Variants in GOLGA7 observed in about 807,000 individuals in gnomAD.
GOLGA7 encodes the protein golgin A7.
Under a neutral mutation model 21.1 loss-of-function variants are expected in GOLGA7, and 10 were observed. The ratio of observed to expected loss-of-function variants is 0.47; its 90% CI spans 0.29 to 0.80. GOLGA7 has a LOEUF of 0.80. GOLGA7 is among the 30% of genes least tolerant of loss of function. The pLI, the probability that GOLGA7 is intolerant of heterozygous loss-of-function variation, is 0.08. For synonymous variants in GOLGA7, 64 were observed against 62.6 expected (o/e 1.02, Z -0.10); for missense variants, 114 against 166.8 (o/e 0.68, Z 1.74).
rs534980888 is a variant in GOLGA7, at chr8:41,490,823, G to A, written c.-32G>A. ...TCTGACTCGCGGTTGGTGTTCCCCC[G>A]ACCCCGCAGCGCGGGGTGTCCTGTC... is the stretch of plus-strand genomic sequence containing the variant. On this transcript the variant is annotated 5_prime_UTR_variant, in exon 1 of 5. Coordinates refer to ENST00000357743, the MANE Select transcript of GOLGA7 (RefSeq NM_001002296.2). The A allele has an allele frequency of 2.8e-5, 36 of 1,299,798 alleles. No homozygotes were observed. In the South Asian group the frequency reaches 4.0e-4, roughly 15 times the overall value. 80.5% of individuals were successfully genotyped at this position (1,299,798 alleles called of 1,614,324 possible).
intron 1 of GOLGA7, among the ~76,000 whole-genome samples, chr8:41,494,467 G>A (rs1263749463): frequency 6.6e-6 from 1 of 152,200 alleles, no homozygotes; most frequent in Non-Finnish European, 1.5e-5. Context: ...CATCAAATGT[G>A]ATTGGAATTA....
chr8:41,501,740 T>A (rs990607098), intron 2 of GOLGA7, among the ~76,000 whole-genome samples: 6 of 152,242 alleles, frequency 3.9e-5, no homozygotes, highest in African/African-American at 1.4e-4. Context: ...TTTAATCAGA[T>A]ATTTGTGAAC....
At position 41,510,584 on chromosome 8, in the gene GOLGA7, G is replaced by A. The variant is rs1806398688; in HGVS notation, c.*1016G>A. ...CTTATGATTGGCTCAAGTACAGTAA[G>A]TTACTTCTCAGTAAAACTCTCAAGT... On this transcript the variant is annotated 3_prime_UTR_variant, in exon 5 of 5. Transcript: ENST00000357743. 6.6e-6 allele frequency: 1 copy of A among 152,574 alleles called. No homozygotes were observed. The highest frequency in any genetic ancestry group is 1.5e-5 in the Non-Finnish European group (1 of 68,050). The allele number at this position is 152,574 out of a possible 1,614,324, so 9.5% of individuals were successfully genotyped here. A position where few individuals can be genotyped will look rare whatever the true frequency, so the allele number is the denominator to read the frequency against.
At chr8:41,509,149 A>G (rs1806360351) in intron 4 of GOLGA7, among the ~76,000 whole-genome samples, 1 of 152,216 alleles carries the variant, frequency 6.6e-6, no homozygotes, top group Non-Finnish European at 1.5e-5. Flanking sequence ...TTCCATCACA[A>G]CTAGTGATAA....
At chr8:41,508,926 T>C (rs1806354158) in intron 4 of GOLGA7, among the ~76,000 whole-genome samples, 1 of 152,222 alleles carries the variant, frequency 6.6e-6, no homozygotes. Flanking sequence ...TTTGAAGCAA[T>C]ATGTGGGAAT....
chr8:41,503,970 T>G (rs1806211983), intron 2 of GOLGA7, among the ~76,000 whole-genome samples: 2 of 134,382 alleles, frequency 1.5e-5, no homozygotes, highest in African/African-American at 3.0e-5. Flanking sequence ...GGGACTGTGG[T>G]GGGGTCGGGG....
At chr8:41,491,250 C>A (rs996769667) in intron 1 of GOLGA7, among the ~76,000 whole-genome samples, 3 of 152,180 alleles carry the variant, frequency 2.0e-5, no homozygotes, top group African/African-American at 4.8e-5. Context: ...CTGCACTCCC[C>A]CAAATCCCCA....
chr8:41,494,007 T>C (rs1234964565), intron 1 of GOLGA7, among the ~76,000 whole-genome samples: 3 of 112,214 alleles, frequency 2.7e-5, no homozygotes, highest in Non-Finnish European at 6.0e-5. Flanking sequence ...TTTTTACCCT[T>C]TATTTCCCTT....
chr8:41,503,439 G>T (rs2150444889), intron 2 of GOLGA7, among the ~76,000 whole-genome samples: 1 of 113,296 alleles, frequency 8.8e-6, no homozygotes, highest in African/African-American at 3.5e-5. Flanking sequence ...TGTCAATTTT[G>T]GCTTTTGTTG....
chr8:41,491,069 T>C, intron 1 of GOLGA7, 104 bp downstream of exon 1: 1 of 713,578 alleles, frequency 1.4e-6, no homozygotes, highest in Non-Finnish European at 2.5e-6. Context: ...CCCGCAGTTC[T>C]GGGGAGGTCC....
chr8:41,508,106 C>T (rs909201270), intron 4 of GOLGA7, among the ~76,000 whole-genome samples: 6 of 152,174 alleles, frequency 3.9e-5, no homozygotes, highest in Non-Finnish European at 7.3e-5. Flanking sequence ...ACACAGTTAA[C>T]GAGTATTGGG....
intron 2 of GOLGA7, among the ~76,000 whole-genome samples, chr8:41,500,124 G>C (rs1031600526): frequency 3.3e-5 from 5 of 152,210 alleles, no homozygotes; most frequent in African/African-American, 1.2e-4. Flanking sequence ...TAACGGAACA[G>C]GGCGAACATG....
chr8:41,495,033 G>A (rs943348400), intron 1 of GOLGA7, among the ~76,000 whole-genome samples: 12 of 151,436 alleles, frequency 7.9e-5, no homozygotes, highest in African/African-American at 2.4e-4. Flanking sequence ...GCAAAACCTC[G>A]TCTCTACTAA....
intron 2 of GOLGA7, among the ~76,000 whole-genome samples, chr8:41,503,064 C>T (rs1256415233): frequency 6.6e-6 from 1 of 151,882 alleles, no homozygotes; most frequent in African/African-American, 2.4e-5. Context: ...TATTTTGAGA[C>T]TAAGTTTTAA....
intron 1 of GOLGA7, among the ~76,000 whole-genome samples, chr8:41,494,437 AAT>A (rs1375799288): frequency 6.6e-6 from 1 of 152,262 alleles, no homozygotes; most frequent in Non-Finnish European, 1.5e-5. Context: ...TAAATAATTC[AAT>A]GACTTATAAC....
intron 1 of GOLGA7, among the ~76,000 whole-genome samples, chr8:41,494,850 A>G (rs1805969424): frequency 6.6e-6 from 1 of 152,194 alleles, no homozygotes; most frequent in Non-Finnish European, 1.5e-5. Context: ...CAACGGACAA[A>G]ACAATGACTA....
At chr8:41,498,598 C>A (rs775657947) in intron 2 of GOLGA7, among the ~76,000 whole-genome samples, 18 of 152,354 alleles carry the variant, frequency 1.2e-4, no homozygotes, top group African/African-American at 4.3e-4. Context: ...GGTCTCACTT[C>A]CATCTAACTT....
intron 2 of GOLGA7, 148 bp downstream of exon 2, chr8:41,497,809 C>T (rs1806057535): frequency 1.1e-5 from 6 of 558,802 alleles, no homozygotes; most frequent in Non-Finnish European, 1.6e-5. Context: ...TACAGAGGCA[C>T]ATAGTCCTGA....
intron 1 of GOLGA7, among the ~76,000 whole-genome samples, chr8:41,493,287 C>T (rs1805929456): frequency 6.6e-6 from 1 of 152,178 alleles, no homozygotes; most frequent in African/African-American, 2.4e-5. Flanking sequence ...AGAAATTTTA[C>T]TGATTGCTCT....
Sources: gnomAD v4.1 joint callset for allele counts (sites outside exome capture counted in the v4.1 genomes callset) on GRCh38, gnomAD v4.1.1 for gene constraint, MANE v1.5 for transcripts, NCBI Gene and HGNC (gene_info 2026-07-23, HGNC 2026-07-21) for gene names.